Variants in PPFIA2 observed in about 807,000 individuals in gnomAD.
PPFIA2 encodes PPFI scaffold protein A2, also known as liprin-alpha-2.
Under a neutral mutation model 175.5 loss-of-function variants are expected in PPFIA2, and 46 were observed. The ratio of observed to expected loss-of-function variants is 0.26; its 90% CI spans 0.21 to 0.34. PPFIA2 has a LOEUF of 0.34. Ranked by LOEUF, PPFIA2 falls within the 10% of genes least tolerant of loss-of-function variation. The pLI is 1.00. For missense variants in PPFIA2, 1,179 were observed against 1,506.1 expected (o/e 0.78, Z 3.60); for synonymous variants, 568 against 511.4 (o/e 1.11, Z -1.49).
At chr12:81,551,924 T>C (rs2067994851) in intron 4 of PPFIA2, among the ~76,000 whole-genome samples, 1 of 151,842 alleles carries the variant, frequency 6.6e-6, no homozygotes, top group South Asian at 2.1e-4. Flanking sequence ...TTAATTTCTC[T>C]CTTATTCAAG....
intron 22 of PPFIA2, among the ~76,000 whole-genome samples, chr12:81,308,650 C>A (rs1298411397): frequency 6.6e-6 from 1 of 152,156 alleles, no homozygotes; most frequent in Non-Finnish European, 1.5e-5. Context: ...TTAGAAGTGG[C>A]ATACATTTAT....
chr12:81,344,351 A>C (rs1209014892), intron 19 of PPFIA2, among the ~76,000 whole-genome samples: 1 of 149,480 alleles, frequency 6.7e-6, no homozygotes, highest in African/African-American at 2.4e-5. Flanking sequence ...ATATTAAAAC[A>C]TTTGTACTAT....
At chr12:81,603,473 GT>G (rs1449160150) in intron 4 of PPFIA2, among the ~76,000 whole-genome samples, 1 of 151,218 alleles carries the variant, frequency 6.6e-6, no homozygotes, top group African/African-American at 2.4e-5. Context: ...ACAAAAGTAT[GT>G]TTACATTTGA....
At chr12:81,567,759 A>C (rs2071636875) in intron 4 of PPFIA2, among the ~76,000 whole-genome samples, 1 of 152,210 alleles carries the variant, frequency 6.6e-6, no homozygotes, top group African/African-American at 2.4e-5. Flanking sequence ...GTGTCTCTTC[A>C]TTTGGCTGGT....
At chr12:81,510,263 G>A (rs1010813407) in intron 4 of PPFIA2, among the ~76,000 whole-genome samples, 1 of 152,022 alleles carries the variant, frequency 6.6e-6, no homozygotes, top group Admixed American at 6.6e-5. Flanking sequence ...GTGTGTGTGA[G>A]CTCCAATCAC....
At chr12:81,462,608 A>AT (rs1566933988) in intron 4 of PPFIA2, among the ~76,000 whole-genome samples, 1 of 134,882 alleles carries the variant, frequency 7.4e-6, no homozygotes, top group Non-Finnish European at 1.6e-5. Flanking sequence ...ATATATATAT[A>AT]ATATAGCGAT....
At chr12:81,636,810 G>C (rs1385362188) in intron 4 of PPFIA2, among the ~76,000 whole-genome samples, 1 of 151,636 alleles carries the variant, frequency 6.6e-6, no homozygotes, top group Non-Finnish European at 1.5e-5. Context: ...GTACCACCAC[G>C]CCCAAGTAAA....
intron 4 of PPFIA2, among the ~76,000 whole-genome samples, chr12:81,568,005 C>T (rs531654979): frequency 1.8e-4 from 27 of 152,286 alleles, no homozygotes; most frequent in African/African-American, 6.5e-4. Context: ...GCACTAATTC[C>T]AGGTAGTGAT....
At chr12:81,270,626 G>A (rs1284468592) in intron 28 of PPFIA2, 5 of 152,186 alleles carry the variant, frequency 3.3e-5, no homozygotes, top group Admixed American at 6.5e-5. Flanking sequence ...AAGTCAGGGG[G>A]CGAAGCGAAT....
Position 81,268,132 on chromosome 12 carries a change from CTTTT to C in PPFIA2, c.3311-49_3311-46del, listed in dbSNP as rs746893824. 5.7e-3 allele frequency: 3,597 copies of C among 626,136 alleles called. 7 individuals are homozygous for C. Among genetic ancestry groups the C allele is most frequent in the East Asian group, 7.2e-3 (137 of 19,044 alleles). 38.8% of individuals were successfully genotyped at this position (626,136 alleles called of 1,614,324 possible). The stretch of plus-strand genomic sequence containing the variant: ...ATTTTAGGATGCATTATTTTTCTTT[CTTTT>C]TTTTTTTTTTTTTTTTTTTTGAGAC... On this transcript the variant is annotated intron_variant, in intron 28 of 32. Transcript: ENST00000549396.
chr12:81,415,549 T>C (rs922871666), intron 7 of PPFIA2, among the ~76,000 whole-genome samples: 2 of 149,490 alleles, frequency 1.3e-5, no homozygotes, highest in East Asian at 2.0e-4. Context: ...TAAATACACA[T>C]GGAATTCAAA....
At chr12:81,286,089 G>T (rs911393843) in intron 24 of PPFIA2, among the ~76,000 whole-genome samples, 15 of 151,312 alleles carry the variant, frequency 9.9e-5, no homozygotes, top group South Asian at 2.1e-4. Flanking sequence ...CTTAAAGAGG[G>T]GAAAAAATAA....
chr12:81,426,967 C>A (rs899174104), intron 7 of PPFIA2, among the ~76,000 whole-genome samples: 1 of 151,930 alleles, frequency 6.6e-6, no homozygotes, highest in African/African-American at 2.4e-5. Flanking sequence ...TTTAATTAAT[C>A]TTTTATGTAT....
chr12:81,501,192 C>T (rs1396333403), intron 4 of PPFIA2, among the ~76,000 whole-genome samples: 1 of 152,184 alleles, frequency 6.6e-6, no homozygotes, highest in Admixed American at 6.5e-5. Context: ...AATTCATTCT[C>T]ATACAGCTGA....
chr12:81,471,131 ATTTAT>A (rs2056650199), intron 4 of PPFIA2: 1 of 147,586 alleles, frequency 6.8e-6, no homozygotes, highest in East Asian at 2.0e-4. Context: ...TTATTTATTT[ATTTAT>A]TTATTTATTT....
At chr12:81,598,590 T>C (rs2059490918) in intron 4 of PPFIA2, among the ~76,000 whole-genome samples, 1 of 152,060 alleles carries the variant, frequency 6.6e-6, no homozygotes, top group African/African-American at 2.4e-5. Context: ...CTAAATCTTT[T>C]AGTCACTCCC....
intron 3 of PPFIA2, among the ~76,000 whole-genome samples, chr12:81,730,864 A>G (rs1467260656): frequency 6.6e-6 from 1 of 151,580 alleles, no homozygotes; most frequent in African/African-American, 2.4e-5. Context: ...GAATTGGTCT[A>G]GAAGGCACGA....
intron 30 of PPFIA2, among the ~76,000 whole-genome samples, chr12:81,264,492 T>C (rs2036601041): frequency 2.0e-5 from 3 of 152,164 alleles, no homozygotes; most frequent in Non-Finnish European, 1.5e-5. Flanking sequence ...TAGATAGGTA[T>C]AGCCAAGTAT....
chr12:81,449,168 G>A (rs772017817), intron 5 of PPFIA2, among the ~76,000 whole-genome samples: 6 of 152,092 alleles, frequency 3.9e-5, no homozygotes, highest in Non-Finnish European at 8.8e-5. Context: ...TGGTTTCAGG[G>A]TTATAAACCT....
Sources: allele counts gnomAD v4.1 joint callset (sites outside exome capture counted in the v4.1 genomes callset), GRCh38; gene constraint gnomAD v4.1.1; transcripts MANE v1.5; gene names NCBI Gene and HGNC (gene_info 2026-07-23, HGNC 2026-07-21).